The following WDFY3 variants were observed in gnomAD, a reference collection of about 807,000 sequenced individuals.
WDFY3 encodes WD repeat and FYVE domain containing 3.
Under a neutral mutation model 409.6 loss-of-function variants are expected in WDFY3, and 66 were observed. That is an observed-to-expected ratio of 0.16 (90% CI 0.13 to 0.20). The LOEUF (loss-of-function observed/expected upper bound fraction) is 0.20, where lower values mean the gene tolerates loss of function less well. Among genes scored for constraint, WDFY3 ranks in the 10% least tolerant of loss-of-function variants. WDFY3 has a pLI of 1.00. For synonymous variants in WDFY3, 1,521 were observed against 1,537.1 expected (o/e 0.99, Z 0.25); for missense variants, 3,031 against 4,298.1 (o/e 0.71, Z 8.24).
At chr4:84,959,537 T>C (rs568312460) in intron 1 of WDFY3, among the ~76,000 whole-genome samples, 2 of 152,302 alleles carry the variant, frequency 1.3e-5, no homozygotes, top group South Asian at 2.1e-4. Context: ...CAACTGGACC[T>C]GATGCTTAAT....
intron 3 of WDFY3, among the ~76,000 whole-genome samples, chr4:84,891,280 C>A (rs937213092): frequency 2.6e-5 from 4 of 152,116 alleles, no homozygotes; most frequent in Non-Finnish European, 4.4e-5. Flanking sequence ...TATTTTCCTG[C>A]GTAAACTGCT....
At position 84,821,561 on chromosome 4, in the gene WDFY3, A is replaced by C; in HGVS notation, c.1124-10T>G. On this transcript the variant is annotated splice_polypyrimidine_tract_variant and intron_variant, in intron 10 of 67. Transcript: ENST00000295888. ...TTTCTCACACTGTGACCTAGAACAG[A>C]AAAGAAAAACATAAAAGTAGGTACT... is the stretch of plus-strand genomic sequence containing the variant. 1 of 1,592,046 alleles carries C rather than the reference A, an allele frequency of 6.3e-7. No individual in the cohort carries two copies. The highest frequency in any genetic ancestry group is 8.5e-7 in the Non-Finnish European group (1 of 1,170,562).
intron 33 of WDFY3, 147 bp from the exon 34 acceptor site, chr4:84,755,547 C>G (rs1741291030): frequency 1.2e-6 from 1 of 843,236 alleles, no homozygotes; most frequent in Admixed American, 3.6e-5. Flanking sequence ...GAACTAGTAC[C>G]CTTCCATCCT....
At chr4:84,856,241 A>C (rs1262017413) in intron 4 of WDFY3, among the ~76,000 whole-genome samples, 1 of 152,248 alleles carries the variant, frequency 6.6e-6, no homozygotes, top group Non-Finnish European at 1.5e-5. Flanking sequence ...TTACATTTAC[A>C]TGCTTCTCAA....
intron 1 of WDFY3, among the ~76,000 whole-genome samples, chr4:84,941,359 GAGAT>G (rs549116077): frequency 8.9e-4 from 136 of 152,000 alleles, no homozygotes; most frequent in South Asian, 1.0e-3. Flanking sequence ...TATAGATAAA[GAGAT>G]AGATAGATAG....
chr4:84,849,708 T>G, intron 5 of WDFY3, 194 bp downstream of exon 5: 2 of 617,002 alleles, frequency 3.2e-6, no homozygotes, highest in Non-Finnish European at 5.2e-6. Flanking sequence ...AGAGTAGCCT[T>G]GAGCAGAACT....
chr4:84,901,011 G>A (rs957959239), intron 2 of WDFY3, among the ~76,000 whole-genome samples: 1 of 152,184 alleles, frequency 6.6e-6, no homozygotes, highest in Non-Finnish European at 1.5e-5. Flanking sequence ...TGTCTGGTGA[G>A]GGCTGCTCTC....
intron 1 of WDFY3, among the ~76,000 whole-genome samples, chr4:84,948,661 G>GCCT (rs985082212): frequency 1.2e-4 from 18 of 152,242 alleles, no homozygotes; most frequent in Admixed American, 1.0e-3. Context: ...TCGTTATGAT[G>GCCT]CCTACCCTGT....
At chr4:84,894,756 G>A (rs553109422) in intron 3 of WDFY3, among the ~76,000 whole-genome samples, 103 of 151,650 alleles carry the variant, frequency 6.8e-4, no homozygotes, top group South Asian at 8.4e-4. Context: ...ACCGCACTCC[G>A]GCCTGGGTGA....
intron 35 of WDFY3, among the ~76,000 whole-genome samples, 168 bp downstream of exon 35, chr4:84,753,529 C>G (rs1212123257): frequency 6.6e-6 from 1 of 152,084 alleles, no homozygotes; most frequent in Admixed American, 6.6e-5. Context: ...CTGTGGGGAG[C>G]TGGGGACACC....
At chr4:84,721,828 T>C (rs1734900164) in intron 46 of WDFY3, among the ~76,000 whole-genome samples, 1 of 151,406 alleles carries the variant, frequency 6.6e-6, no homozygotes, top group South Asian at 2.1e-4. Context: ...AGCAAGATTC[T>C]GTCTTAAAAC....
chr4:84,850,969 T>TTTTTTTTTTG (rs1758920123), intron 4 of WDFY3, among the ~76,000 whole-genome samples: 1 of 122,486 alleles, frequency 8.2e-6, no homozygotes, highest in Non-Finnish European at 1.7e-5. Context: ...TTTTTTTTTT[T>TTTTTTTTTTG]GAGAACTGGT....
intron 3 of WDFY3, among the ~76,000 whole-genome samples, chr4:84,896,216 A>G (rs1399758964): frequency 6.6e-6 from 1 of 152,122 alleles, no homozygotes; most frequent in East Asian, 1.9e-4. Flanking sequence ...AGATTGTGCC[A>G]CTACACTCCA....
At chr4:84,683,543 A>C (rs188135777) in intron 63 of WDFY3, among the ~76,000 whole-genome samples, 2 of 152,290 alleles carry the variant, frequency 1.3e-5, no homozygotes, top group East Asian at 3.9e-4. Flanking sequence ...GGATCCTCGA[A>C]GTGTTTTCCA....
Position 84,694,061 on chromosome 4 carries a change from T to G in WDFY3, c.8902-1029A>C, listed in dbSNP as rs575743081. Among the ~76,000 whole-genome samples, 8 of 152,292 alleles carry G rather than the reference T, an allele frequency of 5.3e-5. No individual in the cohort carries two copies. The East Asian group carries it at 1.5e-3, about 29-fold the overall frequency. On this transcript the variant is annotated intron_variant, in intron 58 of 67. Coordinates refer to ENST00000295888, the MANE Select transcript of WDFY3 (RefSeq NM_014991.6). Reference sequence around the variant, plus strand: ...AGATAAATACGACACCATCACACTTTGTAAATTAGATATTTGGGGTTTCCA... The same window carrying G: ...AGATAAATACGACACCATCACACTTGGTAAATTAGATATTTGGGGTTTCCA...
chr4:84,737,233 T>G lies in WDFY3; in HGVS notation c.6708A>C (p.Ala2236=). 6.2e-7 allele frequency: 1 copy of G among 1,614,176 alleles called. No homozygotes were observed. Among genetic ancestry groups the G allele is most frequent in the Non-Finnish European group, 8.5e-7 (1 of 1,180,012 alleles). The part of the protein sequence containing the change: ...NERGHVDIAT[A]RPLIEEAALK... ...GGGCAGCTTCTTCAATGAGTGGCCT[T>G]GCTGTAGCTATGTCCACGTGGCCCC... The change falls in exon 41 of 68, where the codon GCA becomes GCC. Residue 2236 remains alanine (A), a synonymous_variant. Transcript: ENST00000295888.
At chr4:84,899,403 T>C (rs902959123) in intron 2 of WDFY3, among the ~76,000 whole-genome samples, 12 of 152,194 alleles carry the variant, frequency 7.9e-5, no homozygotes, top group African/African-American at 2.9e-4. Flanking sequence ...GATTCAAATG[T>C]TATTAAACTA....
At chr4:84,912,245 T>G (rs190934758) in intron 2 of WDFY3, among the ~76,000 whole-genome samples, 7 of 152,304 alleles carry the variant, frequency 4.6e-5, no homozygotes, top group Admixed American at 2.0e-4. Context: ...AATTGCTTGA[T>G]ACGTACCTTA....
At chr4:84,717,405 A>G (rs1578234363) in intron 48 of WDFY3, among the ~76,000 whole-genome samples, 1 of 152,222 alleles carries the variant, frequency 6.6e-6, no homozygotes, top group African/African-American at 2.4e-5. Context: ...GCCACAACAT[A>G]CAATTTTAAA....
Sources: allele counts gnomAD v4.1 joint callset (sites outside exome capture counted in the v4.1 genomes callset), GRCh38; gene constraint gnomAD v4.1.1; transcripts MANE v1.5; gene names NCBI Gene and HGNC (gene_info 2026-07-23, HGNC 2026-07-21).